SLC30A10: variants seen among roughly 807,000 people sequenced by gnomAD.
SLC30A10 encodes solute carrier family 30 member 10.
In SLC30A10, 8 loss-of-function variants were observed where a neutral mutation model predicts 21.7. The ratio of observed to expected loss-of-function variants is 0.37; its 90% CI spans 0.22 to 0.67. SLC30A10 has a LOEUF of 0.67. Ranked by LOEUF, SLC30A10 falls within the 30% of genes least tolerant of loss-of-function variation. The pLI is 0.58. For missense variants in SLC30A10, 521 were observed against 642.5 expected, an observed-to-expected ratio of 0.81 and a Z score of 2.04; for synonymous variants, 272 against 279.4, an observed-to-expected ratio of 0.97 and a Z score of 0.26.
At chr1:219,952,939 C>T (rs770539494) in intron 1 of SLC30A10, among the ~76,000 whole-genome samples, 9 of 152,138 alleles carry the variant, frequency 5.9e-5, no homozygotes, top group Non-Finnish European at 1.3e-4. Context: ...ATCCAGACCC[C>T]TTCACGGGAC....
At position 219,910,959 on chromosome 1, in the gene SLC30A10, G is replaced by C. The variant is rs1402844221; in HGVS notation, c.*4490C>G. On this transcript the variant is annotated 3_prime_UTR_variant, in exon 4 of 4. Transcript: ENST00000366926. ...TTATCTTTCAATGCAATTTCCACTT[G>C]AGAAACTAAATTCCTGGTTTGACAA... Among the ~76,000 whole-genome samples the C allele has an allele frequency of 6.6e-6, 1 of 152,114 alleles. No homozygotes were observed. The highest frequency in any genetic ancestry group is 6.6e-5 in the Admixed American group (1 of 15,264).
chr1:219,958,377 G>A (rs1194889709), intron 1 of SLC30A10, among the ~76,000 whole-genome samples: 2 of 152,054 alleles, frequency 1.3e-5, no homozygotes, highest in Non-Finnish European at 2.9e-5. Context: ...GAAGCAAACT[G>A]CTGCTACCCT....
intron 1 of SLC30A10, among the ~76,000 whole-genome samples, chr1:219,933,720 AT>A (rs1452619486): frequency 5.9e-5 from 9 of 152,212 alleles, no homozygotes; most frequent in Admixed American, 5.2e-4. Flanking sequence ...ACAGCAGAAT[AT>A]TTTCCTTCAC....
At chr1:219,949,505 G>A (rs150271845) in intron 1 of SLC30A10, among the ~76,000 whole-genome samples, 6,386 of 151,842 alleles carry the variant, frequency 0.042, 327 homozygotes, top group African/African-American at 0.13. Context: ...ACTATCGCAA[G>A]AACAAAAAAC....
At chr1:219,943,974 C>A (rs1215397364) in intron 1 of SLC30A10, among the ~76,000 whole-genome samples, 1 of 151,162 alleles carries the variant, frequency 6.6e-6, no homozygotes, top group African/African-American at 2.4e-5. Flanking sequence ...GTGGTGGGCA[C>A]CTGTAGTCCC....
rs1272860178 is a variant in SLC30A10, at chr1:219,928,184, G to A, written c.257C>T (p.Ala86Val). ...GAAGCAGAGCGCGGTGAGGAAGACCGCGTTGCTCAGCGCGCCCACCACCTC... is the reference window on the plus strand; with the variant it reads ...GAAGCAGAGCGCGGTGAGGAAGACCACGTTGCTCAGCGCGCCCACCACCTC... Reference protein sequence around the residue: ...RAEVVGALSNAVFLTALCFTI... With the variant: ...RAEVVGALSNVVFLTALCFTI... Residue 86 changes from alanine to valine, a missense_variant, in exon 1 of 4, where the codon GCG becomes GTG. Coordinates refer to ENST00000366926, the MANE Select transcript of SLC30A10 (RefSeq NM_018713.3). The surrounding 1 kb of genome is among the most constrained non-coding windows in gnomAD (Gnocchi z 6.3). The A allele has an allele frequency of 1.9e-6, 3 of 1,558,646 alleles. No homozygotes were observed. Among genetic ancestry groups the A allele is most frequent in the South Asian group, 2.4e-5 (2 of 84,902 alleles).
intron 1 of SLC30A10, among the ~76,000 whole-genome samples, chr1:219,933,891 G>A (rs1192274284): frequency 2.0e-5 from 3 of 152,264 alleles, no homozygotes; most frequent in Middle Eastern, 3.4e-3. Context: ...GTGACTCAAC[G>A]CCTGTAATCC....
intron 2 of SLC30A10, among the ~76,000 whole-genome samples, chr1:219,922,176 G>GTGTGTGTTTTTGTTGTTTTTTTTTTT (rs1558252071): frequency 2.7e-5 from 1 of 36,408 alleles, no homozygotes; most frequent in Non-Finnish European, 5.1e-5. Flanking sequence ...GTGTGTGTGT[G>GTGTGTGTTTTTGTTGTTTTTTTTTTT]TTTTTTTTTT....
At chr1:219,943,202 G>A (rs1660143346) in intron 1 of SLC30A10, among the ~76,000 whole-genome samples, 1 of 152,066 alleles carries the variant, frequency 6.6e-6, no homozygotes, top group African/African-American at 2.4e-5. Flanking sequence ...TTTAATAGAA[G>A]GGAATAAAGG....
At chr1:219,920,959 C>G (rs747992655) in intron 2 of SLC30A10, among the ~76,000 whole-genome samples, 2 of 152,144 alleles carry the variant, frequency 1.3e-5, no homozygotes, top group African/African-American at 2.4e-5. Context: ...TTACCTTTTT[C>G]ATACAAGACA....
At chr1:219,927,667 A>ACC (rs1659868967) in intron 1 of SLC30A10, 134 bp downstream of exon 1, 1 of 489,768 alleles carries the variant, frequency 2.0e-6, no homozygotes, top group Non-Finnish European at 2.7e-6. Flanking sequence ...AAAAAAAAAA[A>ACC]ACAACAACAA....
In SLC30A10 at chr1:219,915,293, G is replaced by C. The variant is rs1016928267; in HGVS notation, c.*156C>G. The C allele has an allele frequency of 1.2e-6, 1 of 864,294 alleles. No homozygotes were observed. The highest frequency in any genetic ancestry group is 1.8e-6 in the Non-Finnish European group (1 of 547,238). The allele number at this position is 864,294 out of a possible 1,614,324, so 53.5% of individuals were successfully genotyped here. ...TAGTTACATAAAAATTCACAGACAC[G>C]TTTAACTAAAATCCCAAACAGCCAA... On this transcript the variant is annotated 3_prime_UTR_variant, in exon 4 of 4. Transcript: ENST00000366926.
chr1:219,936,912 A>G (rs748620886), intron 1 of SLC30A10, among the ~76,000 whole-genome samples: 1 of 152,228 alleles, frequency 6.6e-6, no homozygotes, highest in Admixed American at 6.5e-5. Context: ...CCACAGTTCT[A>G]TATTCAAATT....
chr1:219,916,908 C>G (rs1659557003), intron 3 of SLC30A10, among the ~76,000 whole-genome samples: 1 of 150,602 alleles, frequency 6.6e-6, no homozygotes, highest in Non-Finnish European at 1.5e-5. Context: ...GGAACACTTA[C>G]ATTTCTAGCA....
At position 219,913,412 on chromosome 1, in the gene SLC30A10, G is replaced by A. The variant is rs1659460833; in HGVS notation, c.*2037C>T. On this transcript the variant is annotated 3_prime_UTR_variant, in exon 4 of 4. Transcript: ENST00000366926. ...CTAATATCCATTCCTTCAGCCAGTT[G>A]CACAAAAACTGTGAAATTATAATTT... 6.6e-6 allele frequency: 1 copy of A among 152,162 alleles called. No individual in the cohort carries two copies. The highest frequency in any genetic ancestry group is 2.4e-5 in the African/African-American group (1 of 41,440). 9.4% of individuals were successfully genotyped at this position (152,162 alleles called of 1,614,324 possible).
rs769611644 is a variant in SLC30A10 at position 219,912,320 on chromosome 1, TG to T, written c.*3128del. Among the ~76,000 whole-genome samples, 18 of 152,080 alleles carry T rather than the reference TG, an allele frequency of 1.2e-4. No homozygotes were observed. Among genetic ancestry groups the T allele is most frequent in the Non-Finnish European group, 2.2e-4 (15 of 68,020 alleles). Reference sequence around the variant, plus strand: ...CAATGGAGCCTGTGGGTATTCATAATGGCCCAATATCATGAAAAAAATTAAT... The same window carrying T: ...CAATGGAGCCTGTGGGTATTCATAATGCCCAATATCATGAAAAAAATTAAT... On this transcript the variant is annotated 3_prime_UTR_variant, in exon 4 of 4. Coordinates refer to ENST00000366926, the MANE Select transcript of SLC30A10 (RefSeq NM_018713.3).
At position 219,918,373 on chromosome 1, in the gene SLC30A10, G is replaced by A. The variant is rs987491931; in HGVS notation, c.840C>T (p.Asp280=). 6.2e-7 allele frequency: 1 copy of A among 1,614,122 alleles called. No homozygotes were observed. The highest frequency in any genetic ancestry group is 8.5e-7 in the Non-Finnish European group (1 of 1,180,032). ...TGACCATGAGGACAGTCAGGCTGGG[G>A]TCAATGTAACACTGCCAGTTACACG... ...EDPCNWQCYI[D]PSLTVLMVII... is the part of the protein sequence containing the mutation. Residue 280 remains aspartate, a synonymous_variant, in exon 3 of 4, where the codon GAC becomes GAT. Coordinates refer to ENST00000366926, the MANE Select transcript of SLC30A10 (RefSeq NM_018713.3). The surrounding 1 kb of genome is among the most constrained non-coding windows in gnomAD (Gnocchi z 4.4).
intron 2 of SLC30A10, among the ~76,000 whole-genome samples, chr1:219,919,670 G>A (rs191976766): frequency 7.2e-4 from 110 of 151,892 alleles, no homozygotes; most frequent in African/African-American, 2.5e-3. Flanking sequence ...CAGCTACTCA[G>A]AAGGCTGAGG....
chr1:219,942,340 G>A (rs1430605200), intron 1 of SLC30A10, among the ~76,000 whole-genome samples: 3 of 152,160 alleles, frequency 2.0e-5, no homozygotes, highest in Non-Finnish European at 2.9e-5. Context: ...AACTGAGATC[G>A]ATGCGAGATG....
Sources: gnomAD v4.1 joint callset for allele counts (sites outside exome capture counted in the v4.1 genomes callset) on GRCh38, gnomAD v4.1.1 for gene constraint, Gnocchi (gnomAD v3.1) non-coding constraint, MANE v1.5 for transcripts, NCBI Gene and HGNC (gene_info 2026-07-23, HGNC 2026-07-21) for gene names.